The following CAMK4 variants were observed in gnomAD, a reference collection of about 807,000 sequenced individuals.
CAMK4 encodes calcium/calmodulin-dependent protein kinase type IV.
Under a neutral mutation model 44.9 loss-of-function variants are expected in CAMK4, and 22 were observed. The observed-to-expected ratio is 0.49, with a 90% CI of 0.35 to 0.70. CAMK4 has a LOEUF of 0.70. CAMK4 is among the 30% of genes least tolerant of loss of function. CAMK4 has a pLI of 0.01. For missense variants in CAMK4, 498 were observed against 586.8 expected (o/e 0.85, Z 1.56); for synonymous variants, 218 against 215.4 (o/e 1.01, Z -0.11).
Position 111,479,129 on chromosome 5 carries a change from G to A in CAMK4, c.828+622G>A, listed in dbSNP as rs549015086. Among the ~76,000 whole-genome samples, 81 of 152,168 alleles carry A rather than the reference G, an allele frequency of 5.3e-4. No homozygotes were observed. The South Asian group carries it at 0.016, about 31-fold the overall frequency. On this transcript the variant is annotated intron_variant, in intron 9 of 10. Coordinates refer to ENST00000282356, the MANE Select transcript of CAMK4 (RefSeq NM_001744.6). The stretch of plus-strand genomic sequence containing the variant: ...CCTGCCCTCAGGCGATCCTCCCACT[G>A]TGGCCTCCCAAAGTGCTGGGATTAC...
chr5:111,263,381 A>AC (rs1750081544), intron 1 of CAMK4, among the ~76,000 whole-genome samples: 1 of 152,210 alleles, frequency 6.6e-6, no homozygotes, highest in African/African-American at 2.4e-5. Flanking sequence ...GTGGCCAGTG[A>AC]AGGCTGTTAA....
At chr5:111,436,379 A>G (rs146653406) in intron 5 of CAMK4, among the ~76,000 whole-genome samples, 20 of 152,120 alleles carry the variant, frequency 1.3e-4, no homozygotes, top group African/African-American at 4.1e-4. Context: ...GTTCTTTGTG[A>G]CCTCTTCTCT....
chr5:111,436,281 A>G (rs896333336), intron 5 of CAMK4, among the ~76,000 whole-genome samples: 4 of 152,226 alleles, frequency 2.6e-5, no homozygotes, highest in Non-Finnish European at 5.9e-5. Context: ...ATAAATAGAC[A>G]GGAAAATAAA....
intron 1 of CAMK4, among the ~76,000 whole-genome samples, chr5:111,341,046 A>G (rs778581010): frequency 4.0e-5 from 6 of 150,944 alleles, no homozygotes; most frequent in Non-Finnish European, 8.9e-5. Context: ...TTTCTGTACT[A>G]TCAGTTGTAT....
intron 1 of CAMK4, among the ~76,000 whole-genome samples, chr5:111,246,116 C>T (rs115262393): frequency 8.8e-4 from 134 of 152,252 alleles, no homozygotes; most frequent in African/African-American, 2.9e-3. Flanking sequence ...AAGCAAGTCA[C>T]CACAGCTTTC....
chr5:111,227,923 C>G (rs1350643367), intron 1 of CAMK4, among the ~76,000 whole-genome samples: 2 of 152,194 alleles, frequency 1.3e-5, no homozygotes, highest in Non-Finnish European at 2.9e-5. Context: ...TCCTCGAGAG[C>G]AGTTGGTCTT....
chr5:111,338,727 C>T (rs928081895), intron 1 of CAMK4, among the ~76,000 whole-genome samples: 4 of 151,384 alleles, frequency 2.6e-5, no homozygotes, highest in Admixed American at 6.6e-5. Context: ...AGAACTTTTC[C>T]CATTGCTTGC....
At chr5:111,450,094 G>A (rs549486290) in intron 7 of CAMK4, among the ~76,000 whole-genome samples, 61 of 152,008 alleles carry the variant, frequency 4.0e-4, no homozygotes, top group Non-Finnish European at 7.4e-4. Flanking sequence ...CAAGGTAGAC[G>A]GGTCACTTGA....
chr5:111,273,677 TTATA>T (rs1160351356), intron 1 of CAMK4, among the ~76,000 whole-genome samples: 1,015 of 41,092 alleles, frequency 0.025, 10 homozygotes, highest in Non-Finnish European at 0.032. Context: ...AAAAATGCAT[TTATA>T]TATATATATA....
chr5:111,315,000 A>G (rs1001676661), intron 1 of CAMK4, among the ~76,000 whole-genome samples: 1 of 152,106 alleles, frequency 6.6e-6, no homozygotes, highest in Non-Finnish European at 1.5e-5. Flanking sequence ...GATTAAATAG[A>G]TACCATGTTA....
intron 2 of CAMK4, among the ~76,000 whole-genome samples, chr5:111,371,174 G>A (rs1194349355): frequency 6.6e-6 from 1 of 152,068 alleles, no homozygotes; most frequent in Non-Finnish European, 1.5e-5. Flanking sequence ...TATACCCCAT[G>A]ATTGAGCTGC....
chr5:111,324,230 A>G (rs952882660), intron 1 of CAMK4, among the ~76,000 whole-genome samples: 2 of 151,976 alleles, frequency 1.3e-5, no homozygotes, highest in African/African-American at 4.8e-5. Flanking sequence ...AATAATAAAT[A>G]TAAATGAACT....
intron 5 of CAMK4, 80 bp downstream of exon 5, chr5:111,394,862 C>A: frequency 1.2e-6 from 1 of 851,098 alleles, no homozygotes; most frequent in Non-Finnish European, 2.0e-6. Flanking sequence ...AAATGCGCAT[C>A]TGTGATAAGC....
intron 5 of CAMK4, among the ~76,000 whole-genome samples, chr5:111,418,454 T>TA (rs202239035): frequency 2.8e-3 from 424 of 151,720 alleles, no homozygotes; most frequent in African/African-American, 9.2e-3. Flanking sequence ...GATTTTTTTT[T>TA]TATATACTTT....
intron 1 of CAMK4, among the ~76,000 whole-genome samples, chr5:111,324,714 A>G (rs571663983): frequency 6.6e-6 from 1 of 152,268 alleles, no homozygotes; most frequent in African/African-American, 2.4e-5. Flanking sequence ...CACTTACAGA[A>G]CATCAGATTA....
At chr5:111,446,821 G>GA in intron 6 of CAMK4, 45 bp downstream of exon 6, 1 of 1,205,508 alleles carries the variant, frequency 8.3e-7, no homozygotes, top group Non-Finnish European at 1.2e-6. Context: ...TTTCAGAGCA[G>GA]AAAAAATTTT....
chr5:111,402,523 C>A (rs1238372551), intron 5 of CAMK4, among the ~76,000 whole-genome samples: 4 of 152,158 alleles, frequency 2.6e-5, no homozygotes, highest in African/African-American at 9.7e-5. Context: ...TTATATTATT[C>A]AACCTTACAT....
chr5:111,247,667 A>T (rs1004623047), intron 1 of CAMK4, among the ~76,000 whole-genome samples: 6 of 152,114 alleles, frequency 3.9e-5, no homozygotes, highest in African/African-American at 1.4e-4. Context: ...TTCTTCAGGT[A>T]AACCTCAGTT....
At chr5:111,471,527 T>C (rs2112484783) in intron 7 of CAMK4, among the ~76,000 whole-genome samples, 1 of 152,344 alleles carries the variant, frequency 6.6e-6, no homozygotes, top group African/African-American at 2.4e-5. Context: ...ATAAATTTGA[T>C]GTTTGTTCTT....
Sources: allele counts gnomAD v4.1 joint callset (sites outside exome capture counted in the v4.1 genomes callset), GRCh38; gene constraint gnomAD v4.1.1; transcripts MANE v1.5; gene names NCBI Gene and HGNC (gene_info 2026-07-23, HGNC 2026-07-21).